The following DMD variants were observed in gnomAD, a reference collection of about 807,000 sequenced individuals.
DMD encodes the protein mutant dystrophin.
DMD carries 63 observed loss-of-function variants against 330.1 expected under a neutral mutation model. That is an observed-to-expected ratio of 0.19 (90% CI 0.16 to 0.24). The LOEUF is 0.24. DMD is among the 10% of genes least tolerant of loss of function. DMD has a pLI of 1.00. For synonymous variants in DMD, 1,223 were observed against 959.8 expected, an observed-to-expected ratio of 1.27 and a Z score of -5.07; for missense variants, 3,344 against 2,684.1, an observed-to-expected ratio of 1.25 and a Z score of -5.43.
intron 41 of DMD, among the ~76,000 whole-genome samples, chrX:32,312,043 C>A (rs776640151): frequency 9.0e-6 from 1 of 111,671 alleles, no homozygotes; most frequent in African/African-American, 3.2e-5. Flanking sequence ...TTTAATGGTG[C>A]AATTAAATCT....
chrX:32,208,417 G>A (rs767366190), intron 44 of DMD, among the ~76,000 whole-genome samples: 99 of 111,854 alleles, frequency 8.9e-4, no homozygotes, highest in African/African-American at 3.1e-3. Context: ...AAGGAGCCAG[G>A]CTAGAAGCAG....
At chrX:31,754,475 TTAA>T (rs989690869) in intron 51 of DMD, among the ~76,000 whole-genome samples, 2 of 111,012 alleles carry the variant, frequency 1.8e-5, no homozygotes, top group African/African-American at 3.3e-5. Context: ...GACTGACTCA[TTAA>T]AAGAGAGAGA....
intron 55 of DMD, among the ~76,000 whole-genome samples, chrX:31,564,594 T>G (rs1237849431): frequency 4.5e-5 from 5 of 111,970 alleles, no homozygotes; most frequent in Non-Finnish European, 9.4e-5. Context: ...ATCATCAAAA[T>G]GATCACCTAG....
intron 37 of DMD, among the ~76,000 whole-genome samples, chrX:32,349,498 G>T (rs185561493): frequency 3.4e-4 from 38 of 111,010 alleles, no homozygotes; most frequent in Admixed American, 1.2e-3. Context: ...AATGACCCCC[G>T]TGTCTTTTGC....
intron 1 of DMD, among the ~76,000 whole-genome samples, chrX:33,273,438 A>AT (rs2053190993): frequency 8.9e-6 from 1 of 112,422 alleles, no homozygotes; most frequent in South Asian, 3.7e-4. Context: ...ACATATAAAC[A>AT]TTTAGAAAAA....
At chrX:32,226,989 A>G (rs2097150078) in intron 43 of DMD, among the ~76,000 whole-genome samples, 1 of 108,390 alleles carries the variant, frequency 9.2e-6, no homozygotes, top group African/African-American at 3.3e-5. Flanking sequence ...ACCATCCTAA[A>G]AAGAATACAC....
intron 1 of DMD, among the ~76,000 whole-genome samples, chrX:33,194,729 C>A (rs1364879859): frequency 9.0e-6 from 1 of 110,894 alleles, no homozygotes; most frequent in Non-Finnish European, 1.9e-5. Context: ...TTAATGATAT[C>A]ACTCAAGCTA....
Position 31,693,151 on chromosome X carries a change from A to G in DMD, c.7661-13565T>C, listed in dbSNP as rs143086174. ...CAAATTAATAAATGTGATTCAACATATAACAGAATGAAGTACAAAAACCGT... is the reference window on the plus strand; with the variant it reads ...CAAATTAATAAATGTGATTCAACATGTAACAGAATGAAGTACAAAAACCGT... On this transcript the variant is annotated intron_variant, in intron 52 of 78. Transcript: ENST00000357033. Among the ~76,000 whole-genome samples the G allele has an allele frequency of 6.3e-3, 704 of 112,369 alleles. 2 individuals are homozygous for G. Among genetic ancestry groups the G allele is most frequent in the African/African-American group, 0.022 (668 of 31,026 alleles).
chrX:32,565,690 G>A lies in DMD; in HGVS notation c.1992+12C>T. The stretch of plus-strand genomic sequence containing the variant: ...TGAGATAGTCTGTAGCATGATAATT[G>A]GTATCACTAACCTGTGCTGTACTCT... On this transcript the variant is annotated intron_variant, in intron 16 of 78. Transcript: ENST00000357033. The A allele has an allele frequency of 8.3e-7, 1 of 1,205,045 alleles. No homozygotes were observed. Among genetic ancestry groups the A allele is most frequent in the Non-Finnish European group, 1.1e-6 (1 of 889,560 alleles).
Position 31,637,317 on chromosome X carries a change from T to C in DMD, c.8028-9455A>G, listed in dbSNP as rs2079474025. On this transcript the variant is annotated intron_variant, in intron 54 of 78. Coordinates refer to ENST00000357033, the MANE Select transcript of DMD (RefSeq NM_004006.3). ...GCTTTCGTACTTTTAATTACCAGGG[T>C]GAAAAATTGCATTTAAAAGACCTAG... Among the ~76,000 whole-genome samples the C allele has an allele frequency of 5.4e-5, 6 of 111,874 alleles. No homozygotes were observed. The South Asian group carries it at 2.2e-3, about 41-fold the overall frequency.
intron 9 of DMD, among the ~76,000 whole-genome samples, chrX:32,679,612 AAGTC>A (rs1370854083): frequency 9.0e-6 from 1 of 111,149 alleles, no homozygotes; most frequent in Non-Finnish European, 1.9e-5. Context: ...AAAAAATAGA[AAGTC>A]AAAGATCTCT....
intron 44 of DMD, among the ~76,000 whole-genome samples, chrX:32,114,332 C>T (rs183428244): frequency 1.6e-3 from 182 of 111,445 alleles, no homozygotes; most frequent in African/African-American, 5.7e-3. Context: ...CTCTCTCTCT[C>T]CCCTTATCCA....
rs182275009 is a variant in DMD at position 32,553,812 on chromosome X, G to A, written c.1993-8478C>T. Reference sequence around the variant, plus strand: ...TTGGAGGAAGGGCCTGGTGGGAGGGGACTGAATCATGGGTGTGGACCTCCC... The same window carrying A: ...TTGGAGGAAGGGCCTGGTGGGAGGGAACTGAATCATGGGTGTGGACCTCCC... On this transcript the variant is annotated intron_variant, in intron 16 of 78. Coordinates refer to ENST00000357033, the MANE Select transcript of DMD (RefSeq NM_004006.3). 2.7e-5 allele frequency among the ~76,000 whole-genome samples: 3 copies of A among 111,966 alleles called. No individual in the cohort carries two copies. The Admixed American group carries it at 2.8e-4, about 11-fold the overall frequency.
intron 44 of DMD, among the ~76,000 whole-genome samples, chrX:32,145,233 G>C (rs951185155): frequency 8.9e-6 from 1 of 112,375 alleles, no homozygotes; most frequent in African/African-American, 3.2e-5. Flanking sequence ...TTTGCTGGAA[G>C]TGTTTTTGTT....
chrX:32,066,347 A>G (rs745480414), intron 44 of DMD, among the ~76,000 whole-genome samples: 11 of 111,498 alleles, frequency 9.9e-5, no homozygotes, highest in African/African-American at 2.9e-4. Context: ...GAAGTCCCCA[A>G]CTGACCATCG....
intron 63 of DMD, among the ~76,000 whole-genome samples, chrX:31,228,039 T>C (rs1406516465): frequency 1.0e-5 from 1 of 99,141 alleles, no homozygotes; most frequent in Non-Finnish European, 2.0e-5. Context: ...TTCTCACTCA[T>C]AGGTGGGAAT....
chrX:32,489,989 A>C (rs2042843125), intron 20 of DMD, among the ~76,000 whole-genome samples: 1 of 112,142 alleles, frequency 8.9e-6, no homozygotes, highest in Non-Finnish European at 1.9e-5. Flanking sequence ...GCAAACTAAC[A>C]CAAGAACAGA....
intron 41 of DMD, among the ~76,000 whole-genome samples, chrX:32,331,910 C>T (rs962529197): frequency 2.0e-4 from 22 of 111,535 alleles, no homozygotes; most frequent in African/African-American, 6.5e-4. Context: ...TGGCTTTGGA[C>T]TAGAGATATT....
intron 47 of DMD, among the ~76,000 whole-genome samples, 154 bp downstream of exon 47, chrX:31,929,442 T>C (rs2094824221): frequency 9.0e-6 from 1 of 111,194 alleles, no homozygotes. Flanking sequence ...ACAAAACATA[T>C]AGCCAAAGCA....
Sources: gnomAD v4.1 joint callset for allele counts (sites outside exome capture counted in the v4.1 genomes callset) on GRCh38, gnomAD v4.1.1 for gene constraint, MANE v1.5 for transcripts, NCBI Gene and HGNC (gene_info 2026-07-23, HGNC 2026-07-21) for gene names.